Variants in MACROD2 observed in about 807,000 individuals in gnomAD.
MACROD2 encodes ADP-ribose glycohydrolase MACROD2.
MACROD2 carries 36 observed loss-of-function variants against 70.4 expected under a neutral mutation model. The ratio of observed to expected loss-of-function variants is 0.51; its 90% CI spans 0.39 to 0.68. The LOEUF is 0.68. Ranked by LOEUF, MACROD2 falls within the 30% of genes least tolerant of loss-of-function variation. The pLI is 0.00. For missense variants in MACROD2, 496 were observed against 538.4 expected (o/e 0.92, Z 0.78); for synonymous variants, 172 against 178.8 (o/e 0.96, Z 0.30).
intron 2 of MACROD2, among the ~76,000 whole-genome samples, chr20:14,069,376 A>G (rs1457910992): frequency 1.3e-5 from 2 of 152,084 alleles, no homozygotes; most frequent in Admixed American, 6.6e-5. Context: ...ACATCCCTGC[A>G]TGACATGTGA....
At chr20:14,524,167 A>G (rs1370247099) in intron 4 of MACROD2, among the ~76,000 whole-genome samples, 1 of 152,220 alleles carries the variant, frequency 6.6e-6, no homozygotes, top group African/African-American at 2.4e-5. Flanking sequence ...GTCATAAACC[A>G]GGACCTGTAG....
At chr20:14,347,226 T>C (rs2083073038) in intron 3 of MACROD2, among the ~76,000 whole-genome samples, 1 of 152,196 alleles carries the variant, frequency 6.6e-6, no homozygotes, top group Non-Finnish European at 1.5e-5. Flanking sequence ...GATTTTGGAC[T>C]CTTTATCAGT....
chr20:15,100,999 A>G (rs927758143), intron 5 of MACROD2, among the ~76,000 whole-genome samples: 2 of 152,092 alleles, frequency 1.3e-5, no homozygotes, highest in Non-Finnish European at 2.9e-5. Flanking sequence ...TGCTTGGTCC[A>G]TAGCAGGTTT....
At chr20:15,318,110 A>T (rs2077834161) in intron 6 of MACROD2, among the ~76,000 whole-genome samples, 1 of 152,130 alleles carries the variant, frequency 6.6e-6, no homozygotes. Flanking sequence ...ATCAGAAAAA[A>T]ATAGAAGTTG....
rs139859317 is a variant in MACROD2, at chr20:15,176,743, C to T, written c.419-53197C>T. Among the ~76,000 whole-genome samples the T allele has an allele frequency of 3.7e-3, 561 of 152,270 alleles. 3 individuals carry two copies. The highest frequency in any genetic ancestry group is 6.0e-3 in the Non-Finnish European group (408 of 68,022). On this transcript the variant is annotated intron_variant, in intron 5 of 17. Transcript: ENST00000684519. The stretch of plus-strand genomic sequence containing the variant: ...CCAAATGGCTGTAACCCAAGCAGAA[C>T]TGTAACAAACAGGGCTGAAACATGC...
At chr20:14,756,057 C>T (rs943500175) in intron 5 of MACROD2, among the ~76,000 whole-genome samples, 1 of 152,008 alleles carries the variant, frequency 6.6e-6, no homozygotes, top group Non-Finnish European at 1.5e-5. Context: ...TTCATTGTTT[C>T]TCTCCCATTT....
intron 2 of MACROD2, among the ~76,000 whole-genome samples, chr20:14,071,992 G>A (rs1423285087): frequency 6.6e-6 from 1 of 152,184 alleles, no homozygotes; most frequent in Non-Finnish European, 1.5e-5. Flanking sequence ...TATGTATTGG[G>A]ATATGAATCT....
intron 3 of MACROD2, among the ~76,000 whole-genome samples, chr20:14,161,890 G>A (rs1432124368): frequency 6.6e-6 from 1 of 152,200 alleles, no homozygotes; most frequent in Non-Finnish European, 1.5e-5. Context: ...ACTGTGCCCA[G>A]CCTGATAGAC....
chr20:15,185,603 T>A (rs1199271983), intron 5 of MACROD2, among the ~76,000 whole-genome samples: 1 of 152,186 alleles, frequency 6.6e-6, no homozygotes, highest in Non-Finnish European at 1.5e-5. Context: ...TGCCTATTAT[T>A]AAATTTACTA....
chr20:15,933,835 C>T (rs1038714913), intron 11 of MACROD2, among the ~76,000 whole-genome samples: 1 of 152,112 alleles, frequency 6.6e-6, no homozygotes, highest in African/African-American at 2.4e-5. Context: ...GCCTGACTAC[C>T]CCACACACAG....
chr20:14,491,414 T>G (rs747626776), intron 3 of MACROD2, among the ~76,000 whole-genome samples: 1 of 152,216 alleles, frequency 6.6e-6, no homozygotes, highest in African/African-American at 2.4e-5. Context: ...TTCTATTACA[T>G]GGATAGTAAT....
At chr20:16,047,993 G>A (rs899412212) in intron 17 of MACROD2, among the ~76,000 whole-genome samples, 6 of 152,122 alleles carry the variant, frequency 3.9e-5, no homozygotes, top group African/African-American at 9.7e-5. Context: ...GATAGAAACC[G>A]CAAATACACT....
intron 3 of MACROD2, among the ~76,000 whole-genome samples, chr20:14,289,137 G>A (rs1214698033): frequency 6.6e-6 from 1 of 152,158 alleles, no homozygotes; most frequent in Non-Finnish European, 1.5e-5. Context: ...GGCTGACTCA[G>A]GTAGAACTGG....
intron 3 of MACROD2, among the ~76,000 whole-genome samples, chr20:14,184,651 C>G (rs146873768): frequency 0.016 from 2,395 of 152,186 alleles, 70 homozygotes; most frequent in African/African-American, 0.054. Flanking sequence ...ATTGATTCTT[C>G]CTATCCATGA....
intron 5 of MACROD2, among the ~76,000 whole-genome samples, chr20:15,164,611 A>G (rs1036084500): frequency 2.6e-5 from 4 of 152,160 alleles, no homozygotes; most frequent in African/African-American, 7.2e-5. Flanking sequence ...TGAAGAAGTA[A>G]CAGGCTGGGT....
chr20:14,770,232 G>A (rs2072146904), intron 5 of MACROD2, among the ~76,000 whole-genome samples: 1 of 151,288 alleles, frequency 6.6e-6, no homozygotes, highest in African/African-American at 2.4e-5. Flanking sequence ...ACTATTTTGT[G>A]TTTTGGATTA....
chr20:15,310,691 C>T (rs2077742646), intron 6 of MACROD2, among the ~76,000 whole-genome samples: 1 of 152,036 alleles, frequency 6.6e-6, no homozygotes, highest in Admixed American at 6.6e-5. Context: ...GAGTTAGATC[C>T]TCAGTGATTC....
At chr20:14,633,663 C>T (rs562449682) in intron 4 of MACROD2, among the ~76,000 whole-genome samples, 1 of 152,168 alleles carries the variant, frequency 6.6e-6, no homozygotes, top group Non-Finnish European at 1.5e-5. Context: ...TCCCAGTTAT[C>T]GAGGCTTCCC....
intron 17 of MACROD2, 56 bp from the exon 18 acceptor site, chr20:16,049,774 A>G: frequency 6.4e-7 from 1 of 1,574,408 alleles, no homozygotes; most frequent in Admixed American, 1.7e-5. Flanking sequence ...ATTCCTTGCT[A>G]AGCCTGTGAA....
Sources: allele counts gnomAD v4.1 joint callset (sites outside exome capture counted in the v4.1 genomes callset), GRCh38; gene constraint gnomAD v4.1.1; transcripts MANE v1.5; gene names NCBI Gene and HGNC (gene_info 2026-07-23, HGNC 2026-07-21).